The following ZSCAN5A variants were observed in gnomAD, a reference collection of about 807,000 sequenced individuals.
ZSCAN5A encodes the protein zinc finger and SCAN domain-containing protein 5A.
In ZSCAN5A, 12 loss-of-function variants were observed where a neutral mutation model predicts 23.7. The observed-to-expected ratio is 0.51, with a 90% CI of 0.32 to 0.82. The LOEUF (loss-of-function observed/expected upper bound fraction) is 0.82. ZSCAN5A is among the 40% of genes least tolerant of loss of function. ZSCAN5A has a pLI of 0.03. For missense variants in ZSCAN5A, 597 were observed against 617.9 expected (o/e 0.97, Z 0.36); for synonymous variants, 257 against 239.9 (o/e 1.07, Z -0.66).
upstream of ZSCAN5A, among the ~76,000 whole-genome samples, chr19:56,318,761 A>G (rs1230163203): frequency 6.6e-6 from 1 of 152,248 alleles, no homozygotes; most frequent in African/African-American, 2.4e-5. Context: ...AAACAGACAA[A>G]GCCAAGCCAG....
intron 2 of ZSCAN5A, among the ~76,000 whole-genome samples, chr19:56,227,967 C>A (rs1054476262): frequency 2.0e-5 from 3 of 151,804 alleles, no homozygotes; most frequent in African/African-American, 7.3e-5. Context: ...CGGAGGCGGG[C>A]GGATCGCTTG....
Position 56,221,521 on chromosome 19 carries a change from G to C in ZSCAN5A, c.*54C>G. ...TCAAATGTCATCTGATAACATTGAT[G>C]AAAAATATCATTCACTTCTTCTTGG... is the stretch of plus-strand genomic sequence containing the variant. On this transcript the variant is annotated 3_prime_UTR_variant, in exon 6 of 6. Transcript: ENST00000683990. The C allele has an allele frequency of 6.6e-7, 1 of 1,524,072 alleles. No individual in the cohort carries two copies. Among genetic ancestry groups the C allele is most frequent in the Non-Finnish European group, 8.8e-7 (1 of 1,137,726 alleles). 94.4% of individuals were successfully genotyped at this position (1,524,072 alleles called of 1,614,324 possible).
intron 2 of ZSCAN5A, chr19:56,295,940 T>A (rs1469515864): frequency 2.0e-5 from 3 of 152,758 alleles, no homozygotes; most frequent in Non-Finnish European, 4.4e-5. Context: ...CCCATCTCCT[T>A]CTGGATGGAC....
chr19:56,244,171 T>C (rs560753080), intron 2 of ZSCAN5A: 4 of 1,611,392 alleles, frequency 2.5e-6, no homozygotes, highest in Non-Finnish European at 3.4e-6. Flanking sequence ...CTGAGACTTG[T>C]CACGTGAACT....
chr19:56,293,214 G>C (rs993396700), intron 2 of ZSCAN5A, among the ~76,000 whole-genome samples: 2 of 152,170 alleles, frequency 1.3e-5, no homozygotes, highest in Non-Finnish European at 2.9e-5. Context: ...TGGTTGTTAA[G>C]TGCTTGACTC....
At chr19:56,311,746 G>C (rs979331314) in intron 2 of ZSCAN5A, among the ~76,000 whole-genome samples, 3 of 152,178 alleles carry the variant, frequency 2.0e-5, no homozygotes, top group East Asian at 3.8e-4. Flanking sequence ...TGCCATGGTA[G>C]TTTGCTGCCC....
chr19:56,349,586 T>A (rs913439449), intron 2 of ZSCAN5A, among the ~76,000 whole-genome samples: 1 of 151,070 alleles, frequency 6.6e-6, no homozygotes, highest in African/African-American at 2.4e-5. Flanking sequence ...GCGCCTGTAG[T>A]CCCAGCTACT....
At chr19:56,276,461 G>C (rs1485448793) in intron 2 of ZSCAN5A, among the ~76,000 whole-genome samples, 1 of 151,150 alleles carries the variant, frequency 6.6e-6, no homozygotes, top group African/African-American at 2.4e-5. Context: ...CATGGTCTTA[G>C]GGCCACTGAA....
chr19:56,317,083 C>T (rs1049502050), upstream of ZSCAN5A: 4 of 152,468 alleles, frequency 2.6e-5, no homozygotes, highest in Non-Finnish European at 5.9e-5. Flanking sequence ...GCGATCCAGC[C>T]GCCTTGGCCT....
intron 2 of ZSCAN5A, among the ~76,000 whole-genome samples, chr19:56,231,434 A>G (rs917173692): frequency 2.0e-5 from 3 of 152,224 alleles, no homozygotes; most frequent in Non-Finnish European, 4.4e-5. Flanking sequence ...AGAATGCGTG[A>G]CCAACCACCA....
intron 2 of ZSCAN5A, among the ~76,000 whole-genome samples, chr19:56,240,347 TG>T (rs2146608170): frequency 6.6e-6 from 1 of 152,264 alleles, no homozygotes; most frequent in South Asian, 2.1e-4. Flanking sequence ...AGGGTTTCAT[TG>T]GGAAATGTAA....
chr19:56,246,435 A>G (rs761568087), intron 2 of ZSCAN5A: 1 of 570,710 alleles, frequency 1.8e-6, no homozygotes, highest in Admixed American at 2.7e-5. Flanking sequence ...CGGGACTTAC[A>G]TCCCCAGAGC....
At chr19:56,264,001 G>C (rs1047748191) in intron 2 of ZSCAN5A, among the ~76,000 whole-genome samples, 1 of 139,924 alleles carries the variant, frequency 7.1e-6, no homozygotes, top group South Asian at 2.2e-4. Context: ...ATGGAATCTC[G>C]TTCTGTCACC....
upstream of ZSCAN5A, chr19:56,316,277 A>G (rs1355417341): frequency 6.6e-6 from 1 of 152,228 alleles, no homozygotes; most frequent in South Asian, 2.1e-4. Flanking sequence ...ATCTGTAACA[A>G]CATAACCAAG....
intron 2 of ZSCAN5A, among the ~76,000 whole-genome samples, chr19:56,229,827 G>T (rs2034302380): frequency 6.6e-6 from 1 of 151,834 alleles, no homozygotes; most frequent in African/African-American, 2.4e-5. Context: ...TTTATTACCA[G>T]GTTTTTAGGG....
intron 2 of ZSCAN5A, among the ~76,000 whole-genome samples, chr19:56,262,158 C>G (rs896349400): frequency 6.6e-6 from 1 of 151,940 alleles, no homozygotes; most frequent in Admixed American, 6.6e-5. Context: ...GCTGGGGTTA[C>G]AGGCGCCTGC....
In ZSCAN5A at chr19:56,323,190, G is replaced by A. The variant is rs544106691; in HGVS notation, c.-357-6922C>T. On this transcript the variant is annotated intron_variant, in intron 2 of 6. Transcript: ENST00000587340. ...ATTACAGGCGTGAGCCACCGCGCCC[G>A]GCCTTGGTTTCTTAAAAATATTTTT... is the stretch of plus-strand genomic sequence containing the variant. Among the ~76,000 whole-genome samples the A allele has an allele frequency of 2.2e-3, 328 of 152,012 alleles. 1 individual carries two copies. Among genetic ancestry groups the A allele is most frequent in the African/African-American group, 7.5e-3 (309 of 41,470 alleles).
At chr19:56,368,254 T>C (rs2041788534) in exon 1 of ZSCAN5A, 1 of 152,378 alleles carries the variant, frequency 6.6e-6, no homozygotes, top group Admixed American at 6.5e-5. Context: ...CGCCTCTGCA[T>C]TCCGGTCACT....
At chr19:56,302,889 T>C (rs913424354) in intron 2 of ZSCAN5A, 2 of 398,374 alleles carry the variant, frequency 5.0e-6, no homozygotes, top group Non-Finnish European at 8.8e-6. Context: ...GGGACTCTGA[T>C]GGTTGAGCTA....
Sources: gnomAD v4.1 joint callset for allele counts (sites outside exome capture counted in the v4.1 genomes callset) on GRCh38, gnomAD v4.1.1 for gene constraint, MANE v1.5 for transcripts, NCBI Gene and HGNC (gene_info 2026-07-23, HGNC 2026-07-21) for gene names.